The following TTC6 variants were observed in gnomAD, a reference collection of about 807,000 sequenced individuals.
TTC6 encodes tetratricopeptide repeat protein 6.
Under a neutral mutation model 210.4 loss-of-function variants are expected in TTC6, and 172 were observed. That is an observed-to-expected ratio of 0.82 (90% CI 0.72 to 0.93). The LOEUF (loss-of-function observed/expected upper bound fraction) is 0.93. TTC6 is among the 40% of genes least tolerant of loss of function. The pLI is 0.00. For missense variants in TTC6, 2,414 were observed against 2,318.1 expected, an observed-to-expected ratio of 1.04 and a Z score of -0.85; for synonymous variants, 804 against 819.6, an observed-to-expected ratio of 0.98 and a Z score of 0.32.
At chr14:37,806,711 A>G (rs1310416919) in intron 22 of TTC6, among the ~76,000 whole-genome samples, 2 of 152,216 alleles carry the variant, frequency 1.3e-5, no homozygotes, top group South Asian at 2.1e-4. Context: ...TCTGATATAT[A>G]TAAACGTATC....
chr14:37,649,346 A>G (rs1002391932), intron 1 of TTC6, among the ~76,000 whole-genome samples: 5 of 151,988 alleles, frequency 3.3e-5, no homozygotes, highest in Admixed American at 2.0e-4. Flanking sequence ...CTTCCTTCCC[A>G]CAAACACATC....
At chr14:37,701,235 G>A (rs2095824673) in intron 4 of TTC6, 97 bp from the exon 7 acceptor site, 1 of 805,330 alleles carries the variant, frequency 1.2e-6, no homozygotes, top group African/African-American at 1.8e-5. Context: ...ATTTATGTAT[G>A]TCTTTAGAAC....
At chr14:37,831,742 T>C (rs1326715005) in intron 29 of TTC6, among the ~76,000 whole-genome samples, 1 of 97,068 alleles carries the variant, frequency 1.0e-5, no homozygotes, top group Non-Finnish European at 2.1e-5. Context: ...GGCCGTCTGT[T>C]ATGTCTTTTC....
chr14:37,776,907 T>C lies in TTC6; in HGVS notation c.3267-10561T>C, dbSNP rs147833320. 8.6e-5 allele frequency among the ~76,000 whole-genome samples: 13 copies of C among 151,628 alleles called. No individual in the cohort carries two copies. In the East Asian group the frequency reaches 2.3e-3, roughly 27 times the overall value. On this transcript the variant is annotated intron_variant, in intron 14 of 30. Transcript: ENST00000553443. Reference sequence around the variant, plus strand: ...GTGAAACTCCATCTCAAAAAAAAAATTGCTGAATATGGGCCCCCAATCTCT... The same window carrying C: ...GTGAAACTCCATCTCAAAAAAAAAACTGCTGAATATGGGCCCCCAATCTCT...
intron 1 of TTC6, among the ~76,000 whole-genome samples, chr14:37,629,529 A>G (rs770649544): frequency 1.4e-4 from 22 of 152,254 alleles, no homozygotes; most frequent in Non-Finnish European, 2.9e-4. Context: ...GGTTTTCTAA[A>G]TATACAATCA....
At chr14:37,717,116 T>A (rs768425446) in intron 6 of TTC6, among the ~76,000 whole-genome samples, 23 of 151,448 alleles carry the variant, frequency 1.5e-4, no homozygotes, top group Non-Finnish European at 2.8e-4. Flanking sequence ...ATGTTTTCAA[T>A]AGAAAAGAGA....
intron 14 of TTC6, among the ~76,000 whole-genome samples, chr14:37,754,567 G>A (rs963282980): frequency 6.6e-6 from 1 of 152,042 alleles, no homozygotes; most frequent in East Asian, 1.9e-4. Context: ...CGAGTAGTTG[G>A]GATTACAGGC....
chr14:37,630,905 C>CTGTTTTTTTTTT (rs2095668259), intron 1 of TTC6, among the ~76,000 whole-genome samples: 1 of 73,410 alleles, frequency 1.4e-5, no homozygotes. Context: ...ATGGCAACCC[C>CTGTTTTTTTTTT]TGTTTTTTTT....
At chr14:37,791,711 G>A (rs1041403184) in intron 16 of TTC6, among the ~76,000 whole-genome samples, 2 of 152,180 alleles carry the variant, frequency 1.3e-5, no homozygotes, top group Non-Finnish European at 2.9e-5. Context: ...TATTGGATGG[G>A]TGGTTTTCAT....
intron 7 of TTC6, among the ~76,000 whole-genome samples, chr14:37,727,879 T>G (rs2095876876): frequency 6.6e-6 from 1 of 152,192 alleles, no homozygotes; most frequent in Admixed American, 6.5e-5. Flanking sequence ...AATACCAGTT[T>G]CTTGGAATTT....
At chr14:37,634,009 A>G (rs1331212539) in intron 1 of TTC6, among the ~76,000 whole-genome samples, 1 of 152,304 alleles carries the variant, frequency 6.6e-6, no homozygotes, top group East Asian at 1.9e-4. Context: ...CAGAAAGTCA[A>G]AGTAATATCC....
chr14:37,822,550 G>A (rs1235498674), intron 26 of TTC6, among the ~76,000 whole-genome samples: 1 of 152,216 alleles, frequency 6.6e-6, no homozygotes, highest in African/African-American at 2.4e-5. Flanking sequence ...GAAGGTTTCT[G>A]TGCTAGGTGT....
At chr14:37,735,667 T>C (rs2095899677) in intron 7 of TTC6, among the ~76,000 whole-genome samples, 1 of 152,166 alleles carries the variant, frequency 6.6e-6, no homozygotes, top group Non-Finnish European at 1.5e-5. Flanking sequence ...AGATTAAGGA[T>C]GCCAGAAATA....
At chr14:37,733,364 C>T (rs981009962) in intron 7 of TTC6, among the ~76,000 whole-genome samples, 1 of 152,074 alleles carries the variant, frequency 6.6e-6, no homozygotes, top group African/African-American at 2.4e-5. Flanking sequence ...ATTTTACCCT[C>T]TGCCTAAATT....
exon 22 of TTC6, chr14:37,806,462 G>T: frequency 6.5e-7 from 1 of 1,535,094 alleles, no homozygotes; most frequent in South Asian, 1.2e-5. Context: ...AGGATAGCTC[G>T]ATTCTGGATT....
chr14:37,790,641 GT>G (rs1318675946), intron 15 of TTC6, 75 bp from the exon 18 acceptor site: 7 of 1,220,612 alleles, frequency 5.7e-6, no homozygotes, highest in African/African-American at 1.5e-5. Context: ...GCAATAGGAA[GT>G]TTACAGACTA....
intron 1 of TTC6, among the ~76,000 whole-genome samples, chr14:37,646,555 T>G (rs1238560080): frequency 6.6e-6 from 1 of 152,126 alleles, no homozygotes; most frequent in East Asian, 1.9e-4. Context: ...CCATTCAAAA[T>G]TAATAATTTC....
chr14:37,750,974 G>A (rs1001002733), intron 12 of TTC6, 79 bp from the exon 15 acceptor site: 5 of 814,220 alleles, frequency 6.1e-6, no homozygotes, highest in Non-Finnish European at 8.9e-6. Flanking sequence ...CATTTGTGGA[G>A]GGAGAGGGAT....
At chr14:37,625,289 T>G (rs1470733725) in intron 1 of TTC6, among the ~76,000 whole-genome samples, 5 of 152,056 alleles carry the variant, frequency 3.3e-5, no homozygotes, top group African/African-American at 1.2e-4. Flanking sequence ...GGCTCACGCT[T>G]GTAATCCCAG....
Sources: allele counts gnomAD v4.1 joint callset (sites outside exome capture counted in the v4.1 genomes callset), GRCh38; gene constraint gnomAD v4.1.1; transcripts MANE v1.5; gene names NCBI Gene and HGNC (gene_info 2026-07-23, HGNC 2026-07-21).